The following PRKCE variants were observed in gnomAD, a reference collection of about 807,000 sequenced individuals.
PRKCE encodes protein kinase C epsilon.
In PRKCE, 16 loss-of-function variants were observed where a neutral mutation model predicts 85.4. That is an observed-to-expected ratio of 0.19 (90% CI 0.13 to 0.28). The LOEUF is 0.28. Among genes scored for constraint, PRKCE ranks in the 10% least tolerant of loss-of-function variants. The probability of loss-of-function intolerance (pLI) is 1.00; values close to 1 mark genes in which losing one functional copy is unlikely to be tolerated. For synonymous variants in PRKCE, 388 were observed against 371.5 expected, an observed-to-expected ratio of 1.04 and a Z score of -0.51; for missense variants, 573 against 975.2, an observed-to-expected ratio of 0.59 and a Z score of 5.49.
intron 2 of PRKCE, among the ~76,000 whole-genome samples, chr2:45,917,670 G>A (rs1044321122): frequency 8.5e-5 from 13 of 152,232 alleles, no homozygotes; most frequent in African/African-American, 2.2e-4. Context: ...CCATGCGCCC[G>A]CACTCCTCAG....
chr2:46,103,070 C>T (rs1019471547), intron 11 of PRKCE, among the ~76,000 whole-genome samples: 1 of 152,182 alleles, frequency 6.6e-6, no homozygotes, highest in Non-Finnish European at 1.5e-5. Context: ...TGCATTGTCT[C>T]CTCCACCATT....
chr2:45,966,771 C>T (rs190663949), intron 2 of PRKCE, among the ~76,000 whole-genome samples: 9 of 152,194 alleles, frequency 5.9e-5, no homozygotes, highest in East Asian at 5.8e-4. Flanking sequence ...ATAAGGCAGG[C>T]GCTCCCTCTT....
At chr2:46,111,014 C>T (rs1322977822) in intron 11 of PRKCE, among the ~76,000 whole-genome samples, 2 of 152,024 alleles carry the variant, frequency 1.3e-5, no homozygotes, top group Non-Finnish European at 2.9e-5. Flanking sequence ...CTATTTTTCT[C>T]CTGTTGATTT....
chr2:45,697,751 A>G lies in PRKCE; in HGVS notation c.348+45303A>G, dbSNP rs1196531216. The stretch of plus-strand genomic sequence containing the variant: ...GCCCCTCTCTTACTTTGAGGTTCCC[A>G]TTTCCAGACTGAAAGGACAGACTAC... On this transcript the variant is annotated intron_variant, in intron 1 of 14. Coordinates refer to ENST00000306156, the MANE Select transcript of PRKCE (RefSeq NM_005400.3). The surrounding 1 kb of genome is among the most constrained non-coding windows in gnomAD (Gnocchi z 4.2). 6.6e-6 allele frequency among the ~76,000 whole-genome samples: 1 copy of G among 152,130 alleles called. No individual in the cohort carries two copies. The highest frequency in any genetic ancestry group is 2.4e-5 in the African/African-American group (1 of 41,420).
chr2:46,158,879 G>A (rs1311729360), intron 13 of PRKCE, among the ~76,000 whole-genome samples: 2 of 152,132 alleles, frequency 1.3e-5, no homozygotes, highest in East Asian at 3.8e-4. Context: ...TCATTTAATA[G>A]GAATAACAAG....
chr2:45,788,620 T>C (rs1686801198), intron 1 of PRKCE, among the ~76,000 whole-genome samples: 1 of 152,234 alleles, frequency 6.6e-6, no homozygotes. Context: ...AGAAACCAGA[T>C]AAGTGATCTT....
intron 10 of PRKCE, among the ~76,000 whole-genome samples, chr2:46,082,150 T>C (rs146712970): frequency 6.6e-6 from 1 of 152,166 alleles, no homozygotes; most frequent in African/African-American, 2.4e-5. Context: ...AGATTTCTGT[T>C]TCGGCAAGGT....
chr2:46,116,205 C>G (rs1303706018), intron 11 of PRKCE, among the ~76,000 whole-genome samples: 1 of 152,182 alleles, frequency 6.6e-6, no homozygotes, highest in Non-Finnish European at 1.5e-5. Context: ...TCCAAGGTAC[C>G]CAGCTTAGGG....
intron 11 of PRKCE, among the ~76,000 whole-genome samples, chr2:46,136,817 T>A (rs1553359037): frequency 6.6e-6 from 1 of 152,214 alleles, no homozygotes; most frequent in Non-Finnish European, 1.5e-5. Flanking sequence ...GGGAAAGGAA[T>A]CTTGACTTTC....
At chr2:45,999,540 A>G (rs1426339893) in intron 6 of PRKCE, among the ~76,000 whole-genome samples, 7 of 151,764 alleles carry the variant, frequency 4.6e-5, no homozygotes, top group African/African-American at 1.7e-4. Context: ...TAGAAATTAT[A>G]TGCCTTGGTA....
intron 10 of PRKCE, among the ~76,000 whole-genome samples, chr2:46,016,765 C>T (rs1483259658): frequency 8.6e-5 from 13 of 151,798 alleles, no homozygotes; most frequent in South Asian, 2.1e-4. Context: ...AAAAATTATC[C>T]GGACACGGTG....
intron 11 of PRKCE, among the ~76,000 whole-genome samples, chr2:46,104,919 C>A (rs142335437): frequency 3.7e-4 from 56 of 152,234 alleles, no homozygotes; most frequent in African/African-American, 1.3e-3. Flanking sequence ...AACCTGATTG[C>A]ATTTGCACAA....
At chr2:46,099,452 G>A (rs1361236603) in intron 11 of PRKCE, among the ~76,000 whole-genome samples, 6 of 150,960 alleles carry the variant, frequency 4.0e-5, no homozygotes, top group Non-Finnish European at 8.8e-5. Flanking sequence ...CCACCACCCT[G>A]TACCTTTGCT....
intron 2 of PRKCE, among the ~76,000 whole-genome samples, chr2:45,886,442 G>A (rs2105847156): frequency 6.6e-6 from 1 of 152,322 alleles, no homozygotes; most frequent in East Asian, 1.9e-4. Flanking sequence ...GCATTTTAAT[G>A]CTAGCAGTAA....
chr2:46,137,772 A>G (rs1216644496), intron 11 of PRKCE, among the ~76,000 whole-genome samples: 1 of 151,466 alleles, frequency 6.6e-6, no homozygotes, highest in Non-Finnish European at 1.5e-5. Context: ...AAAAAAAAAA[A>G]GTCAGTTTCT....
chr2:45,818,440 C>G (rs1236512566), intron 1 of PRKCE, among the ~76,000 whole-genome samples: 3 of 152,188 alleles, frequency 2.0e-5, no homozygotes, highest in African/African-American at 7.2e-5. Context: ...GAAGAATAAA[C>G]TACCCTGGGT....
chr2:45,832,675 A>G (rs1177555970), intron 1 of PRKCE, among the ~76,000 whole-genome samples: 7 of 152,108 alleles, frequency 4.6e-5, no homozygotes. Flanking sequence ...TGTTCTTTCT[A>G]CAGATCTCCC....
chr2:46,014,692 A>G (rs1461473784), intron 10 of PRKCE, among the ~76,000 whole-genome samples: 5 of 152,348 alleles, frequency 3.3e-5, no homozygotes, highest in African/African-American at 1.2e-4. Context: ...CTAGGGCTAC[A>G]AAGCTAAAAG....
chr2:45,748,435 G>A (rs1470447175), intron 1 of PRKCE, among the ~76,000 whole-genome samples: 1 of 152,216 alleles, frequency 6.6e-6, no homozygotes, highest in Non-Finnish European at 1.5e-5. Flanking sequence ...CACATGTGTT[G>A]CTCATCACTC....
Sources: gnomAD v4.1 joint callset for allele counts (sites outside exome capture counted in the v4.1 genomes callset) on GRCh38, gnomAD v4.1.1 for gene constraint, Gnocchi (gnomAD v3.1) non-coding constraint, MANE v1.5 for transcripts, NCBI Gene and HGNC (gene_info 2026-07-23, HGNC 2026-07-21) for gene names.